RAP1B: variants seen among roughly 807,000 people sequenced by gnomAD.
RAP1B encodes the protein ras-related protein Rap-1b.
In RAP1B, 1 loss-of-function variant was observed where a neutral mutation model predicts 27.5. The ratio of observed to expected loss-of-function variants is 0.04; its 90% CI spans 0.01 to 0.17. RAP1B has a LOEUF of 0.17. Ranked by LOEUF, RAP1B falls within the 10% of genes least tolerant of loss-of-function variation. The probability of loss-of-function intolerance (pLI) is 1.00; values close to 1 mark genes in which losing one functional copy is unlikely to be tolerated. For synonymous variants in RAP1B, 75 were observed against 73.1 expected (o/e 1.03, Z -0.13); for missense variants, 84 against 214.8 (o/e 0.39, Z 3.81).
In RAP1B at chr12:68,626,343, G is replaced by A. The variant is rs907914692; in HGVS notation, c.-27+15300G>A. Among the ~76,000 whole-genome samples, 5 of 152,230 alleles carry A rather than the reference G, an allele frequency of 3.3e-5. No homozygotes were observed. In the South Asian group the frequency reaches 1.0e-3, roughly 32 times the overall value. On this transcript the variant is annotated intron_variant, in intron 1 of 7. Coordinates refer to ENST00000250559, the MANE Select transcript of RAP1B (RefSeq NM_001010942.3). ...ATAAACTGCATGTAGTATAGTATTT[G>A]CTTGAAATATGTGAAAGTAGTTATT...
intron 1 of RAP1B, chr12:68,621,530 A>G (rs1206603557): frequency 6.6e-6 from 1 of 152,214 alleles, no homozygotes; most frequent in East Asian, 1.9e-4. Context: ...CATTTATAAC[A>G]TTTCTCTGTT....
chr12:68,657,595 TG>T (rs772267587), intron 7 of RAP1B: 56 of 159,716 alleles, frequency 3.5e-4, no homozygotes, highest in Non-Finnish European at 7.2e-4. Context: ...TTAGTAGAGA[TG>T]GTGTTTCACC....
In RAP1B at chr12:68,652,004, G is replaced by A; in HGVS notation, c.136G>A (p.Val46Ile). 1.2e-6 allele frequency: 2 copies of A among 1,612,494 alleles called. No homozygotes were observed. Among genetic ancestry groups the A allele is most frequent in the South Asian group, 1.1e-5 (1 of 90,938 alleles). ...IEDSYRKQVE[V>I]DAQQCMLEIL... is the part of the protein sequence containing the mutation. ...TTAATTTTTCTACCAGCAAGTTGAA[G>A]TAGATGCACAACAGTGTATGCTTGA... is the stretch of plus-strand genomic sequence containing the variant. Residue 46 changes from valine (V) to isoleucine (I), a missense_variant, in exon 4 of 8, where the codon GTA becomes ATA. Transcript: ENST00000250559.
At chr12:68,636,620 G>A (rs1294181488) in intron 1 of RAP1B, among the ~76,000 whole-genome samples, 1 of 152,010 alleles carries the variant, frequency 6.6e-6, no homozygotes, top group African/African-American at 2.4e-5. Flanking sequence ...TAGAAGTGTG[G>A]TTTTGCTGTG....
Position 68,670,530 on chromosome 12 carries a change from TCAG to T in RAP1B, c.*11283_*11285del, listed in dbSNP as rs1875044532. 6.6e-6 allele frequency: 1 copy of T among 152,188 alleles called. No individual in the cohort carries two copies. Among genetic ancestry groups the T allele is most frequent in the Non-Finnish European group, 1.5e-5 (1 of 68,042 alleles). 9.4% of individuals were successfully genotyped at this position (152,188 alleles called of 1,614,324 possible). Reference sequence around the variant, plus strand: ...GTGTGTGTGTACACACAGATGCTTCTCAGCTTACAATGGGGTTATGTCCCAATA... The same window carrying T: ...GTGTGTGTGTACACACAGATGCTTCTCTTACAATGGGGTTATGTCCCAATA... On this transcript the variant is annotated 3_prime_UTR_variant, in exon 8 of 8. Coordinates refer to ENST00000250559, the MANE Select transcript of RAP1B (RefSeq NM_001010942.3).
intron 1 of RAP1B, 87 bp from the exon 2 acceptor site, chr12:68,648,610 ATC>A: frequency 9.3e-7 from 1 of 1,073,178 alleles, no homozygotes; most frequent in Non-Finnish European, 1.4e-6. Flanking sequence ...TTTTAAATAA[ATC>A]TATTTTCCTG....
At chr12:68,623,677 G>T (rs1195651844) in intron 1 of RAP1B, among the ~76,000 whole-genome samples, 1 of 152,206 alleles carries the variant, frequency 6.6e-6, no homozygotes, top group African/African-American at 2.4e-5. Context: ...CACCAACATA[G>T]TTATAGAACT....
chr12:68,632,863 CCTCA>C (rs1454580398), intron 1 of RAP1B, among the ~76,000 whole-genome samples: 3 of 152,016 alleles, frequency 2.0e-5, no homozygotes, highest in Non-Finnish European at 4.4e-5. Context: ...AGAGATGATG[CCTCA>C]CTATGTTGTC....
intron 1 of RAP1B, chr12:68,642,843 C>G: frequency 1.0e-6 from 1 of 992,162 alleles, no homozygotes; most frequent in Non-Finnish European, 1.6e-6. Flanking sequence ...CAGTCGATAA[C>G]CGGTGGATTC....
At chr12:68,638,770 C>T (rs1053850018) in intron 1 of RAP1B, among the ~76,000 whole-genome samples, 9 of 152,072 alleles carry the variant, frequency 5.9e-5, no homozygotes, top group Non-Finnish European at 1.3e-4. Flanking sequence ...AAATGATTCT[C>T]CTGCCTCAGC....
intron 1 of RAP1B, among the ~76,000 whole-genome samples, chr12:68,613,568 GAT>G (rs1482695919): frequency 6.6e-6 from 1 of 152,068 alleles, no homozygotes; most frequent in Non-Finnish European, 1.5e-5. Context: ...CCAACCACAA[GAT>G]ATATATTGTT....
chr12:68,643,026 G>A (rs934964919), intron 1 of RAP1B: 17 of 758,980 alleles, frequency 2.2e-5, no homozygotes, highest in Admixed American at 7.4e-5. Flanking sequence ...GGCTGCCCAC[G>A]GTCCACTGCA....
intron 7 of RAP1B, among the ~76,000 whole-genome samples, chr12:68,658,673 A>C (rs1874402177): frequency 7.7e-6 from 1 of 129,130 alleles, no homozygotes; most frequent in African/African-American, 2.5e-5. Context: ...CAGTCTTAAT[A>C]GAATGTTTAA....
chr12:68,618,281 G>A (rs1214493984), intron 1 of RAP1B, among the ~76,000 whole-genome samples: 3 of 151,464 alleles, frequency 2.0e-5, no homozygotes, highest in Non-Finnish European at 2.9e-5. Flanking sequence ...TTAGAGACGG[G>A]GCTTCACCAT....
chr12:68,638,876 G>A (rs1872804768), intron 1 of RAP1B, among the ~76,000 whole-genome samples: 1 of 152,098 alleles, frequency 6.6e-6, no homozygotes, highest in East Asian at 1.9e-4. Flanking sequence ...TGGCCAGCTA[G>A]TGTCGAATTC....
chr12:68,645,599 C>G (rs577415393), intron 1 of RAP1B, among the ~76,000 whole-genome samples: 1 of 152,352 alleles, frequency 6.6e-6, no homozygotes, highest in East Asian at 1.9e-4. Context: ...ACAGCTCTTT[C>G]CCAGTCCCTA....
At chr12:68,631,619 T>C (rs138972458) in intron 1 of RAP1B, among the ~76,000 whole-genome samples, 61 of 152,308 alleles carry the variant, frequency 4.0e-4, no homozygotes, top group African/African-American at 1.4e-3. Context: ...ATAGTCTAAT[T>C]AATGTTCCCA....
chr12:68,634,239 T>C (rs1203923756), intron 1 of RAP1B, among the ~76,000 whole-genome samples: 1 of 152,268 alleles, frequency 6.6e-6, no homozygotes, highest in Non-Finnish European at 1.5e-5. Flanking sequence ...CTCATTGTGC[T>C]ACACATTTTG....
intron 1 of RAP1B, among the ~76,000 whole-genome samples, chr12:68,626,627 A>G (rs1871798930): frequency 6.6e-6 from 1 of 152,172 alleles, no homozygotes. Flanking sequence ...GAGGAATAGC[A>G]GACACCCTTT....
Sources: gnomAD v4.1 joint callset for allele counts (sites outside exome capture counted in the v4.1 genomes callset) on GRCh38, gnomAD v4.1.1 for gene constraint, MANE v1.5 for transcripts, NCBI Gene and HGNC (gene_info 2026-07-23, HGNC 2026-07-21) for gene names.